Variants in LGR6 observed in about 807,000 individuals in gnomAD.
LGR6 encodes leucine-rich repeat-containing G protein-coupled receptor 6.
Under a neutral mutation model 69.4 loss-of-function variants are expected in LGR6, and 45 were observed. The ratio of observed to expected loss-of-function variants is 0.65; its 90% CI spans 0.51 to 0.83. The LOEUF is 0.83. Among genes scored for constraint, LGR6 ranks in the 40% least tolerant of loss-of-function variants. LGR6 has a pLI of 0.00. For synonymous variants in LGR6, 538 were observed against 555.0 expected (o/e 0.97, Z 0.43); for missense variants, 1,108 against 1,246.7 (o/e 0.89, Z 1.68).
chr1:202,234,864 A>C (rs1400917884), intron 3 of LGR6, among the ~76,000 whole-genome samples: 1 of 152,150 alleles, frequency 6.6e-6, no homozygotes, highest in African/African-American at 2.4e-5. Flanking sequence ...ATACACCATA[A>C]AGGGGTAATT....
At chr1:202,216,237 T>C (rs1234307086) in intron 1 of LGR6, among the ~76,000 whole-genome samples, 1 of 152,236 alleles carries the variant, frequency 6.6e-6, no homozygotes, top group Non-Finnish European at 1.5e-5. Context: ...GTGGTGATGC[T>C]CAAAGGTAAC....
intron 1 of LGR6, among the ~76,000 whole-genome samples, chr1:202,212,035 G>A (rs1335268007): frequency 1.3e-5 from 2 of 152,186 alleles, no homozygotes; most frequent in Non-Finnish European, 2.9e-5. Flanking sequence ...TACTTACTAT[G>A]GGTGAATACA....
intron 3 of LGR6, among the ~76,000 whole-genome samples, chr1:202,230,358 G>GCTCA (rs1660921740): frequency 6.6e-6 from 1 of 152,084 alleles, no homozygotes; most frequent in African/African-American, 2.4e-5. Context: ...CTCTGGCCAG[G>GCTCA]CTCAGATCAA....
At chr1:202,214,139 G>C (rs1659592010) in intron 1 of LGR6, 2 of 1,485,300 alleles carry the variant, frequency 1.3e-6, no homozygotes, top group Non-Finnish European at 8.9e-7. Flanking sequence ...TGGCACTCGA[G>C]GTCCCAGGGG....
At chr1:202,217,729 C>T (rs1659879499) in intron 1 of LGR6, among the ~76,000 whole-genome samples, 1 of 152,166 alleles carries the variant, frequency 6.6e-6, no homozygotes, top group African/African-American at 2.4e-5. Flanking sequence ...ATCCTGTCCT[C>T]TCCATCACAA....
intron 4 of LGR6, among the ~76,000 whole-genome samples, chr1:202,240,957 A>G (rs1298082784): frequency 6.6e-6 from 1 of 152,048 alleles, no homozygotes; most frequent in Non-Finnish European, 1.5e-5. Flanking sequence ...CCTCACAGAA[A>G]CCCCTCTCTA....
chr1:202,289,029 G>C (rs369417494), intron 6 of LGR6, among the ~76,000 whole-genome samples: 1 of 152,224 alleles, frequency 6.6e-6, no homozygotes, highest in Non-Finnish European at 1.5e-5. Flanking sequence ...TATCTTAAGC[G>C]TGGCAAAGGC....
chr1:202,299,643 G>A (rs868073902), intron 7 of LGR6, among the ~76,000 whole-genome samples: 3 of 152,244 alleles, frequency 2.0e-5, no homozygotes, highest in East Asian at 1.9e-4. Flanking sequence ...AACATAATGA[G>A]CAGATGAGAG....
chr1:202,245,445 T>C (rs1461206352), intron 4 of LGR6, among the ~76,000 whole-genome samples: 5 of 152,154 alleles, frequency 3.3e-5, no homozygotes, highest in African/African-American at 9.7e-5. Context: ...AATGCCGGTC[T>C]GGGACAGAGT....
intron 6 of LGR6, among the ~76,000 whole-genome samples, chr1:202,282,055 G>A (rs927041635): frequency 6.6e-6 from 1 of 152,188 alleles, no homozygotes; most frequent in African/African-American, 2.4e-5. Flanking sequence ...CTGCTTTCTT[G>A]GGCTTAGCCT....
chr1:202,252,954 T>C (rs1035778064), intron 4 of LGR6, among the ~76,000 whole-genome samples: 1 of 152,226 alleles, frequency 6.6e-6, no homozygotes, highest in Non-Finnish European at 1.5e-5. Context: ...CACTCCTTAA[T>C]TGAGGGCTTC....
rs1198722085 is a variant in LGR6 at position 202,303,261 on chromosome 1, C to T, written c.930-18C>T. The stretch of plus-strand genomic sequence containing the variant: ...TGCTCTGACCCCACCCCTCAGAGCT[C>T]ATTGTCTCTATTTCCAGATCTCTGA... On this transcript the variant is annotated intron_variant, in intron 9 of 17. Coordinates refer to ENST00000367278, the MANE Select transcript of LGR6 (RefSeq NM_001017403.2). The T allele has an allele frequency of 1.9e-6, 3 of 1,605,476 alleles. No homozygotes were observed. The highest frequency in any genetic ancestry group is 2.7e-5 in the African/African-American group (2 of 74,722).
intron 4 of LGR6, 135 bp downstream of exon 4, chr1:202,236,128 G>T (rs1395057802): frequency 5.8e-6 from 4 of 685,232 alleles, no homozygotes; most frequent in Admixed American, 4.7e-5. Flanking sequence ...ACAGCATGCC[G>T]CTCCTGGCTT....
intron 4 of LGR6, among the ~76,000 whole-genome samples, chr1:202,253,795 ATTTTTTTTTTT>A (rs71141469): frequency 7.3e-4 from 35 of 47,988 alleles, no homozygotes; most frequent in African/African-American, 2.2e-3. Flanking sequence ...CGCCTGGCTA[ATTTTTTTTTTT>A]TTTTTTTTTT....
intron 1 of LGR6, among the ~76,000 whole-genome samples, chr1:202,222,675 T>C (rs948352396): frequency 1.7e-4 from 26 of 152,338 alleles, no homozygotes; most frequent in African/African-American, 6.0e-4. Flanking sequence ...GCCCAGCTTC[T>C]GCGCTTGGGT....
At chr1:202,263,429 A>T (rs1664397182) in intron 4 of LGR6, among the ~76,000 whole-genome samples, 1 of 152,138 alleles carries the variant, frequency 6.6e-6, no homozygotes, top group South Asian at 2.1e-4. Flanking sequence ...CGGCCAGCAT[A>T]CATCTTTTTG....
chr1:202,239,957 AGTAG>A (rs1411058062), intron 4 of LGR6, among the ~76,000 whole-genome samples: 2 of 152,258 alleles, frequency 1.3e-5, no homozygotes, highest in Non-Finnish European at 2.9e-5. Context: ...GATCATTAGT[AGTAG>A]TAATGCTGAC....
intron 1 of LGR6, chr1:202,203,975 C>A: frequency 1.2e-6 from 1 of 834,666 alleles, no homozygotes; most frequent in Non-Finnish European, 2.1e-6. Flanking sequence ...ATTATGTTCA[C>A]TATGTCTTTG....
chr1:202,204,884 TCAAACACACACACACACCTC>T (rs1659055606), intron 1 of LGR6, among the ~76,000 whole-genome samples: 1 of 5,058 alleles, frequency 2.0e-4, no homozygotes, highest in Non-Finnish European at 3.4e-4. Flanking sequence ...CACACCTCCT[TCAAACACACACACACACCTC>T]CAAACACACA....
Sources: gnomAD v4.1 joint callset for allele counts (sites outside exome capture counted in the v4.1 genomes callset) on GRCh38, gnomAD v4.1.1 for gene constraint, MANE v1.5 for transcripts, NCBI Gene and HGNC (gene_info 2026-07-23, HGNC 2026-07-21) for gene names.